MTIF3: variants seen among roughly 807,000 people sequenced by gnomAD.
MTIF3 encodes the protein mitochondrial translational initiation factor 3.
MTIF3 carries 13 observed loss-of-function variants against 20.7 expected under a neutral mutation model. The ratio of observed to expected loss-of-function variants is 0.63; its 90% CI spans 0.41 to 1.00. The LOEUF (loss-of-function observed/expected upper bound fraction) is 1.00, where lower values mean the gene tolerates loss of function less well. Among genes scored for constraint, MTIF3 ranks in the 50% least tolerant of loss-of-function variants. The pLI, the probability that MTIF3 is intolerant of heterozygous loss-of-function variation, is 0.00. For synonymous variants in MTIF3, 114 were observed against 112.5 expected, an observed-to-expected ratio of 1.01 and a Z score of -0.08; for missense variants, 295 against 324.5, an observed-to-expected ratio of 0.91 and a Z score of 0.70.
chr13:27,444,839 T>G (rs1381970925), intron 2 of MTIF3, among the ~76,000 whole-genome samples: 1 of 152,232 alleles, frequency 6.6e-6, no homozygotes, highest in African/African-American at 2.4e-5. Context: ...AGCTTTCAGA[T>G]TTCCATGATG....
intron 2 of MTIF3, among the ~76,000 whole-genome samples, chr13:27,440,804 C>A (rs912542997): frequency 1.8e-4 from 27 of 151,838 alleles, no homozygotes; most frequent in African/African-American, 5.8e-4. Flanking sequence ...GGGAAACAGA[C>A]CCCCTGTGCA....
At chr13:27,448,396 C>T (rs1157722283) in intron 1 of MTIF3, among the ~76,000 whole-genome samples, 1 of 152,188 alleles carries the variant, frequency 6.6e-6, no homozygotes, top group East Asian at 1.9e-4. Context: ...TTTACACCTT[C>T]CAAAGAAGTT....
At chr13:27,441,709 G>A (rs1037849245) in intron 2 of MTIF3, among the ~76,000 whole-genome samples, 27 of 152,124 alleles carry the variant, frequency 1.8e-4, no homozygotes, top group Admixed American at 1.8e-3. Flanking sequence ...TCTCATCTAG[G>A]GCATGCTAGG....
At position 27,440,230 on chromosome 13, in the gene MTIF3, T is replaced by A; in HGVS notation, c.219A>T (p.Thr73=). The A allele has an allele frequency of 6.2e-7, 1 of 1,614,242 alleles. No individual in the cohort carries two copies. Among genetic ancestry groups the A allele is most frequent in the Non-Finnish European group, 8.5e-7 (1 of 1,180,034 alleles). The stretch of plus-strand genomic sequence containing the variant: ...TTTTTCTTCCAACGTTACTAAAAGC[T>A]GTTTTATTCTTTTTTGTCTTTTTTC... ...NEGKKTKKNK[T]AFSNVGRKIS... The change falls in exon 3 of 5, where the codon ACA becomes ACT. Residue 73 remains threonine (T), a synonymous_variant. Coordinates refer to ENST00000381120, the MANE Select transcript of MTIF3 (RefSeq NM_152912.5).
intron 1 of MTIF3, among the ~76,000 whole-genome samples, chr13:27,447,419 C>T (rs867102655): frequency 2.3e-4 from 35 of 152,096 alleles, no homozygotes; most frequent in African/African-American, 7.5e-4. Context: ...TAGAAACAAA[C>T]GCTTACGTTC....
intron 1 of MTIF3, among the ~76,000 whole-genome samples, chr13:27,449,597 C>T (rs1486484144): frequency 6.6e-6 from 1 of 152,216 alleles, no homozygotes; most frequent in Non-Finnish European, 1.5e-5. Context: ...CATCCCTCCC[C>T]CAATTTACTG....
chr13:27,440,093 C>T lies in MTIF3; in HGVS notation c.356G>A (p.Arg119Lys). 6.2e-7 allele frequency: 1 copy of T among 1,614,178 alleles called. No individual in the cohort carries two copies. The highest frequency in any genetic ancestry group is 8.5e-7 in the Non-Finnish European group (1 of 1,180,026). The change falls in exon 3 of 5, where the codon AGG becomes AAG. Residue 119 changes from arginine to lysine, a missense_variant. Physicochemically the swap from Arg to Lys is conservative, Grantham distance 26. Transcript: ENST00000381120. ...MDERDLRLVQ[R>K]NTSTEPAEYQ... ...CTCTGCAGGTTCTGTGCTGGTGTTC[C>T]TTTGAACCAGTCGCAGGTCTCGCTC...
chr13:27,449,345 T>G (rs1459538476), intron 1 of MTIF3, among the ~76,000 whole-genome samples: 2 of 152,158 alleles, frequency 1.3e-5, no homozygotes, highest in East Asian at 3.8e-4. Flanking sequence ...TGGCAACCAG[T>G]TCCCACTGCA....
intron 3 of MTIF3, among the ~76,000 whole-genome samples, chr13:27,437,640 T>A (rs1953834293): frequency 6.6e-6 from 1 of 152,202 alleles, no homozygotes; most frequent in Non-Finnish European, 1.5e-5. Flanking sequence ...CCTTTTGAGA[T>A]GCTCTCCTTG....
At chr13:27,436,909 G>A (rs545589819) in intron 4 of MTIF3, among the ~76,000 whole-genome samples, 5 of 152,050 alleles carry the variant, frequency 3.3e-5, no homozygotes, top group South Asian at 2.1e-4. Context: ...CCGCCACCAC[G>A]CCTGGCTAAT....
intron 2 of MTIF3, 111 bp from the exon 3 acceptor site, chr13:27,440,560 T>G (rs2138110139): frequency 2.5e-6 from 2 of 799,514 alleles, no homozygotes; most frequent in Middle Eastern, 3.7e-4. Context: ...TAACTGCAAG[T>G]GTGAGGGAAA....
At chr13:27,444,232 G>T (rs958160087) in intron 2 of MTIF3, among the ~76,000 whole-genome samples, 1 of 152,244 alleles carries the variant, frequency 6.6e-6, no homozygotes, top group East Asian at 1.9e-4. Context: ...CGTGAACCCG[G>T]GAGGCGGAGC....
Position 27,435,675 on chromosome 13 carries a change from T to TA in MTIF3, c.836_837insT (p.Ter279TyrfsTer10). 4 of 1,613,424 alleles carry TA rather than the reference T, an allele frequency of 2.5e-6. No individual in the cohort carries two copies. The highest frequency in any genetic ancestry group is 3.4e-6 in the Non-Finnish European group (4 of 1,179,694). On this transcript the variant is annotated frameshift_variant and stop_lost, in exon 5 of 5. Coordinates refer to ENST00000381120, the MANE Select transcript of MTIF3 (RefSeq NM_152912.5). LOFTEE classifies it high-confidence loss of function. ...CAGAGCATGCTTTTCTTTATTAAAA[T>TA]TACTGATGCAGAACATTTGATTCCT... is the stretch of plus-strand genomic sequence containing the variant.
intron 4 of MTIF3, among the ~76,000 whole-genome samples, chr13:27,436,442 C>T (rs969213794): frequency 1.1e-4 from 16 of 151,710 alleles, no homozygotes; most frequent in Non-Finnish European, 7.4e-5. Flanking sequence ...ATTCCATAAA[C>T]TTATGGGATT....
intron 1 of MTIF3, among the ~76,000 whole-genome samples, chr13:27,446,054 TTTC>T (rs1477193641): frequency 6.8e-6 from 1 of 147,236 alleles, no homozygotes; most frequent in African/African-American, 2.5e-5. Flanking sequence ...TATTGTTAAT[TTTC>T]TTTTTTCTTT....
intron 4 of MTIF3, 111 bp downstream of exon 4, chr13:27,437,005 C>G: frequency 9.1e-7 from 1 of 1,097,272 alleles, no homozygotes; most frequent in South Asian, 1.6e-5. Context: ...CCCACCTTGG[C>G]CTCCCAAAAT....
intron 3 of MTIF3, among the ~76,000 whole-genome samples, chr13:27,437,925 G>GA (rs923285416): frequency 4.9e-5 from 6 of 123,548 alleles, no homozygotes; most frequent in Admixed American, 2.4e-4. Context: ...AACTCATTAA[G>GA]AAAAAAAGGC....
At chr13:27,444,489 C>T (rs919467231) in intron 2 of MTIF3, among the ~76,000 whole-genome samples, 56 of 152,142 alleles carry the variant, frequency 3.7e-4, no homozygotes, top group African/African-American at 1.2e-3. Context: ...TGAAAATATA[C>T]GTTTCTTCAA....
Position 27,435,650 on chromosome 13 carries a change from CAG to C in MTIF3, c.*23_*24del. 1 of 1,611,962 alleles carries C rather than the reference CAG, an allele frequency of 6.2e-7. No individual in the cohort carries two copies. ...GCAGACCAAGGAGCGAGCTTTCTCTCAGAGCATGCTTTTCTTTATTAAAATTA... is the reference window on the plus strand; with the variant it reads ...GCAGACCAAGGAGCGAGCTTTCTCTCAGCATGCTTTTCTTTATTAAAATTA... On this transcript the variant is annotated 3_prime_UTR_variant, in exon 5 of 5. Coordinates refer to ENST00000381120, the MANE Select transcript of MTIF3 (RefSeq NM_152912.5).
Sources: allele counts gnomAD v4.1 joint callset (sites outside exome capture counted in the v4.1 genomes callset), GRCh38; gene constraint gnomAD v4.1.1; transcripts MANE v1.5; gene names NCBI Gene and HGNC (gene_info 2026-07-23, HGNC 2026-07-21).